The following SLC13A4 variants were observed in gnomAD, a reference collection of about 807,000 sequenced individuals.
SLC13A4 encodes Na(+)/sulfate cotransporter SUT-1.
Under a neutral mutation model 72.7 loss-of-function variants are expected in SLC13A4, and 28 were observed. The observed-to-expected ratio is 0.39, with a 90% CI of 0.29 to 0.53. The LOEUF is 0.53. Ranked by LOEUF, SLC13A4 falls within the 20% of genes least tolerant of loss-of-function variation. The probability of loss-of-function intolerance (pLI) is 0.78; values close to 1 mark genes in which losing one functional copy is unlikely to be tolerated. For synonymous variants in SLC13A4, 312 were observed against 325.5 expected (o/e 0.96, Z 0.45); for missense variants, 653 against 788.0 (o/e 0.83, Z 2.05).
rs541551630 is a variant in SLC13A4 at position 135,709,895 on chromosome 7, TG to T, written c.229-1646del. On this transcript the variant is annotated intron_variant, in intron 2 of 15. Transcript: ENST00000682651. ...ATTGCTTCCTGATTGTACTGTTGTTTGTTTATTTTTGTATGTGTACTTCTCT... is the reference window on the plus strand; with the variant it reads ...ATTGCTTCCTGATTGTACTGTTGTTTTTTATTTTTGTATGTGTACTTCTCT... 3.4e-4 allele frequency among the ~76,000 whole-genome samples: 52 copies of T among 152,348 alleles called. No individual in the cohort carries two copies. In the South Asian group the frequency reaches 9.7e-3, roughly 29 times the overall value.
intron 2 of SLC13A4, among the ~76,000 whole-genome samples, chr7:135,717,270 C>G (rs979428422): frequency 1.3e-5 from 2 of 152,078 alleles, no homozygotes; most frequent in Non-Finnish European, 2.9e-5. Flanking sequence ...TTCTTTTTTT[C>G]CCCCCTGGAA....
chr7:135,683,479 T>A, intron 15 of SLC13A4: 1 of 976,180 alleles, frequency 1.0e-6, no homozygotes, highest in Non-Finnish European at 1.2e-6. Flanking sequence ...TTCCATCCTC[T>A]CCCCCCCCGC....
At chr7:135,713,152 C>T (rs560680242) in intron 2 of SLC13A4, among the ~76,000 whole-genome samples, 89 of 152,258 alleles carry the variant, frequency 5.8e-4, no homozygotes, top group African/African-American at 1.5e-3. Context: ...AGCCAGATAA[C>T]GAAGATTGTT....
At chr7:135,724,706 G>A (rs1474513704) in intron 1 of SLC13A4, among the ~76,000 whole-genome samples, 1 of 152,086 alleles carries the variant, frequency 6.6e-6, no homozygotes, top group East Asian at 1.9e-4. Flanking sequence ...TTAAGGACAG[G>A]ATTAATTACT....
intron 15 of SLC13A4, 88 bp downstream of exon 15, chr7:135,684,036 C>A (rs1356340701): frequency 1.4e-6 from 2 of 1,434,990 alleles, no homozygotes; most frequent in Non-Finnish European, 1.9e-6. Flanking sequence ...GACACTGCTA[C>A]AAAATAAGCT....
intron 2 of SLC13A4, among the ~76,000 whole-genome samples, chr7:135,720,992 C>T (rs1796536123): frequency 6.6e-6 from 1 of 152,214 alleles, no homozygotes; most frequent in Non-Finnish European, 1.5e-5. Context: ...TGTGTACAGG[C>T]TCAGCTTTCT....
intron 1 of SLC13A4, among the ~76,000 whole-genome samples, chr7:135,726,269 C>T (rs1028860450): frequency 6.6e-6 from 1 of 152,178 alleles, no homozygotes; most frequent in Non-Finnish European, 1.5e-5. Flanking sequence ...GGAAGAATGT[C>T]AGCAGCAATC....
intron 13 of SLC13A4, among the ~76,000 whole-genome samples, chr7:135,687,789 G>A (rs1270712067): frequency 6.6e-6 from 1 of 151,974 alleles, no homozygotes; most frequent in Non-Finnish European, 1.5e-5. Context: ...TATCCAAATA[G>A]TACTGGTAAG....
At chr7:135,691,716 AGTCT>A (rs1795791476) in intron 11 of SLC13A4, 71 bp from the exon 12 acceptor site, 4 of 1,068,840 alleles carry the variant, frequency 3.7e-6, no homozygotes, top group Non-Finnish European at 5.7e-6. Flanking sequence ...GTCTCGGAGC[AGTCT>A]GTCCGAACAC....
chr7:135,727,410 G>C lies in SLC13A4; in HGVS notation c.87C>G (p.Leu29=). The change falls in exon 1 of 16, where the codon CTC becomes CTG. Residue 29 remains leucine (L), a synonymous_variant. Transcript: ENST00000682651. ...VPLLLLPLPV[L]HPSSEASCAY... is the part of the protein sequence containing the mutation. ...GGTCGGTACTCACGCTGCTGGGGTG[G>C]AGGACGGGCAGAGGCAGCAGCAGGA... 1 of 1,549,556 alleles carries C rather than the reference G, an allele frequency of 6.5e-7. No individual in the cohort carries two copies. The highest frequency in any genetic ancestry group is 8.7e-7 in the Non-Finnish European group (1 of 1,146,906).
At chr7:135,690,924 G>C (rs552508548) in intron 13 of SLC13A4, among the ~76,000 whole-genome samples, 3 of 152,314 alleles carry the variant, frequency 2.0e-5, no homozygotes, top group Non-Finnish European at 2.9e-5. Flanking sequence ...CAGCATTTTG[G>C]GAGGCCGAGG....
In SLC13A4 at chr7:135,699,353, G is replaced by C; in HGVS notation, c.899+11C>G. Reference sequence around the variant, plus strand: ...GTTAGTAAATATTTGTTGACCAAGTGAATCACTTACTTGTTGAAGTGTTCC... The same window carrying C: ...GTTAGTAAATATTTGTTGACCAAGTCAATCACTTACTTGTTGAAGTGTTCC... On this transcript the variant is annotated intron_variant, in intron 8 of 15. Transcript: ENST00000682651. The C allele has an allele frequency of 6.2e-7, 1 of 1,604,172 alleles. No homozygotes were observed. The highest frequency in any genetic ancestry group is 8.5e-7 in the Non-Finnish European group (1 of 1,174,184).
intron 8 of SLC13A4, among the ~76,000 whole-genome samples, chr7:135,695,806 G>A (rs1795890564): frequency 6.6e-6 from 1 of 152,196 alleles, no homozygotes; most frequent in African/African-American, 2.4e-5. Context: ...TTATTCATCT[G>A]GTTTTCAAGG....
In SLC13A4 at chr7:135,684,225, T is replaced by G; in HGVS notation, c.1645A>C (p.Ile549Leu). 6.2e-7 allele frequency: 1 copy of G among 1,612,842 alleles called. No homozygotes were observed. Among genetic ancestry groups the G allele is most frequent in the East Asian group, 2.2e-5 (1 of 44,784 alleles). ...TLHINPLYTL[I>L]PVTMCISFAV... is the part of the protein sequence containing the mutation. ...AAGGAGATGCACATGGTGACTGGGA[T>G]CAGGGTGTAGAGGGGGTTAATGTGC... Residue 549 changes from isoleucine (I) to leucine (L), a missense_variant, in exon 15 of 16, where the codon ATC becomes CTC. By Grantham distance (5) the Ile-to-Leu change is conservative. Transcript: ENST00000682651.
At chr7:135,715,490 A>G (rs547537164) in intron 2 of SLC13A4, among the ~76,000 whole-genome samples, 1 of 129,952 alleles carries the variant, frequency 7.7e-6, no homozygotes, top group African/African-American at 3.0e-5. Context: ...TGTATGTATG[A>G]GTGGGTGTGT....
chr7:135,722,688 T>C (rs1796574069), intron 1 of SLC13A4, among the ~76,000 whole-genome samples: 2 of 152,182 alleles, frequency 1.3e-5, no homozygotes, highest in Admixed American at 6.5e-5. Flanking sequence ...CAGTAGTAAA[T>C]TTTAATCAAA....
At chr7:135,720,221 A>G (rs994979038) in intron 2 of SLC13A4, among the ~76,000 whole-genome samples, 3 of 152,222 alleles carry the variant, frequency 2.0e-5, no homozygotes, top group African/African-American at 7.2e-5. Context: ...ACATAGTGCC[A>G]TGAAGCCACA....
rs1225778670 is a variant in SLC13A4, at chr7:135,681,569, T to G, written c.1878A>C (p.Gln626His). 3.7e-6 allele frequency: 6 copies of G among 1,613,696 alleles called. No individual in the cohort carries two copies. The South Asian group carries it at 5.5e-5, about 15-fold the overall frequency. The change falls in exon 16 of 16, where the codon CAA becomes CAC. Residue 626 changes from glutamine to histidine, a missense_variant. Transcript: ENST00000682651. ...CCAGTTTGTACACTTGGCGTTAGGC[T>G]TGATCAGTGATGTTGCTGACCCTCG... ...AWARVSNITD[Q>H]A
chr7:135,692,268 G>A (rs1176091593), intron 11 of SLC13A4, 55 bp downstream of exon 11: 5 of 1,249,876 alleles, frequency 4.0e-6, no homozygotes, highest in Non-Finnish European at 4.7e-6. Flanking sequence ...ATGAAGTCTT[G>A]CCTGAAGAAT....
Sources: gnomAD v4.1 joint callset for allele counts (sites outside exome capture counted in the v4.1 genomes callset) on GRCh38, gnomAD v4.1.1 for gene constraint, MANE v1.5 for transcripts, NCBI Gene and HGNC (gene_info 2026-07-23, HGNC 2026-07-21) for gene names.